PRKCE: variants seen among roughly 807,000 people sequenced by gnomAD.
The protein encoded by PRKCE is protein kinase C epsilon type.
Under a neutral mutation model 85.4 loss-of-function variants are expected in PRKCE, and 16 were observed. The observed-to-expected ratio is 0.19, with a 90% CI of 0.13 to 0.28. The LOEUF (loss-of-function observed/expected upper bound fraction) is 0.28. Among genes scored for constraint, PRKCE ranks in the 10% least tolerant of loss-of-function variants. PRKCE has a pLI of 1.00. For missense variants in PRKCE, 573 were observed against 975.2 expected, an observed-to-expected ratio of 0.59 and a Z score of 5.49; for synonymous variants, 388 against 371.5, an observed-to-expected ratio of 1.04 and a Z score of -0.51.
intron 2 of PRKCE, among the ~76,000 whole-genome samples, chr2:45,949,880 TTTG>T (rs1355779220): frequency 6.1e-5 from 7 of 114,162 alleles, no homozygotes; most frequent in South Asian, 2.8e-4. Context: ...GCCTTCATTC[TTTG>T]TTGTTTTTTT....
At chr2:45,657,637 C>T (rs76113154) in intron 1 of PRKCE, among the ~76,000 whole-genome samples, 1,739 of 152,268 alleles carry the variant, frequency 0.011, 28 homozygotes, top group African/African-American at 0.04. Context: ...TAGCTCTCTT[C>T]AGTCTGGCCA....
chr2:45,802,423 G>T (rs1016639853), intron 1 of PRKCE, among the ~76,000 whole-genome samples: 5 of 151,884 alleles, frequency 3.3e-5, no homozygotes, highest in African/African-American at 1.2e-4. Flanking sequence ...GATGCATAAA[G>T]GTCCATCTTA....
At chr2:45,687,468 G>A (rs1427498116) in intron 1 of PRKCE, among the ~76,000 whole-genome samples, 1 of 152,052 alleles carries the variant, frequency 6.6e-6, no homozygotes, top group Admixed American at 6.6e-5. Flanking sequence ...ATGCATAATG[G>A]GAACATAAAT....
chr2:46,013,856 C>T (rs1705894419), intron 10 of PRKCE, among the ~76,000 whole-genome samples: 1 of 152,140 alleles, frequency 6.6e-6, no homozygotes, highest in African/African-American at 2.4e-5. Context: ...TCAGACTGCA[C>T]ACTACATACA....
chr2:46,010,427 C>T lies in PRKCE; in HGVS notation c.1347C>T (p.Asp449=), dbSNP rs376235099. 62 of 1,599,528 alleles carry T rather than the reference C, an allele frequency of 3.9e-5. No homozygotes were observed. Among genetic ancestry groups the T allele is most frequent in the Non-Finnish European group, 4.8e-5 (57 of 1,179,936 alleles). Residue 449 remains aspartate (D), a synonymous_variant, in exon 10 of 15, where the codon GAC becomes GAT. Transcript: ENST00000306156. ...AGGACGTCATCCTTCAGGATGATGA[C>T]GTGGACTGCACAATGACAGAGAAGA... ...LKKDVILQDD[D]VDCTMTEKRI...
rs182478023 is a variant in PRKCE at position 45,966,072 on chromosome 2, C to G, written c.413-10357C>G. Reference sequence around the variant, plus strand: ...AAGTGGGACTAGGCTATTTTGCCATCCTTGGGAGGCGTGGATGGCTGGGCC... The same window carrying G: ...AAGTGGGACTAGGCTATTTTGCCATGCTTGGGAGGCGTGGATGGCTGGGCC... On this transcript the variant is annotated intron_variant, in intron 2 of 14. Coordinates refer to ENST00000306156, the MANE Select transcript of PRKCE (RefSeq NM_005400.3). Among the ~76,000 whole-genome samples, 408 of 152,146 alleles carry G rather than the reference C, an allele frequency of 2.7e-3. 2 individuals carry two copies. Among genetic ancestry groups the G allele is most frequent in the African/African-American group, 9.3e-3 (388 of 41,508 alleles).
At chr2:45,759,700 C>T (rs1684281952) in intron 1 of PRKCE, among the ~76,000 whole-genome samples, 1 of 152,172 alleles carries the variant, frequency 6.6e-6, no homozygotes, top group Non-Finnish European at 1.5e-5. Context: ...ACAGAAATAG[C>T]TAGTCAGTGT....
At chr2:45,773,492 T>G (rs1478158200) in intron 1 of PRKCE, among the ~76,000 whole-genome samples, 1 of 152,220 alleles carries the variant, frequency 6.6e-6, no homozygotes, top group African/African-American at 2.4e-5. Context: ...ATGGAACTCC[T>G]GGGCATCAAG....
intron 10 of PRKCE, among the ~76,000 whole-genome samples, chr2:46,047,603 T>C (rs1708605020): frequency 6.6e-6 from 1 of 152,238 alleles, no homozygotes; most frequent in African/African-American, 2.4e-5. Context: ...AGGTATTGAA[T>C]GTTTGAAAAG....
At chr2:46,146,347 C>T (rs1676069679) in intron 12 of PRKCE, among the ~76,000 whole-genome samples, 1 of 152,260 alleles carries the variant, frequency 6.6e-6, no homozygotes, top group African/African-American at 2.4e-5. Context: ...TTTCAGTGGG[C>T]ATTGTTTGAG....
In PRKCE at chr2:46,062,364, C is replaced by T. The variant is rs1558409699; in HGVS notation, c.1438-23844C>T. On this transcript the variant is annotated intron_variant, in intron 10 of 14. Transcript: ENST00000306156. ...GACAGGTCATCCCTGTGGGTGCTCC[C>T]TGGGCAGATATGTCCTACTCAAATT... 7.2e-5 allele frequency among the ~76,000 whole-genome samples: 11 copies of T among 152,262 alleles called. No individual in the cohort carries two copies. The South Asian group carries it at 2.3e-3, about 32-fold the overall frequency.
chr2:45,676,643 A>T (rs1274546162), intron 1 of PRKCE: 1 of 152,218 alleles, frequency 6.6e-6, no homozygotes, highest in African/African-American at 2.4e-5. Flanking sequence ...CCCCATTGTG[A>T]TGAAAGGTTG....
At chr2:46,042,611 T>G (rs953454155) in intron 10 of PRKCE, among the ~76,000 whole-genome samples, 2 of 152,200 alleles carry the variant, frequency 1.3e-5, no homozygotes, top group Non-Finnish European at 2.9e-5. Context: ...CCCCTCTTGG[T>G]CCTTCTACTT....
intron 1 of PRKCE, among the ~76,000 whole-genome samples, chr2:45,708,142 C>T (rs539230815): frequency 7.2e-5 from 11 of 152,024 alleles, no homozygotes; most frequent in South Asian, 4.2e-4. Flanking sequence ...AGGTTGGACT[C>T]GAGAGCCTGC....
At chr2:45,741,692 C>T (rs770267023) in intron 1 of PRKCE, among the ~76,000 whole-genome samples, 4 of 152,106 alleles carry the variant, frequency 2.6e-5, no homozygotes, top group Non-Finnish European at 4.4e-5. Flanking sequence ...TGACAGGCTG[C>T]GGGCTGTGGT....
At chr2:45,669,625 AG>A (rs1022402621) in intron 1 of PRKCE, among the ~76,000 whole-genome samples, 2 of 152,264 alleles carry the variant, frequency 1.3e-5, no homozygotes, top group African/African-American at 4.8e-5. Flanking sequence ...CAGGGAGGGC[AG>A]GAAGAAACTA....
rs186967862 is a variant in PRKCE, at chr2:45,761,040, A to G, written c.349-81960A>G. 1.4e-3 allele frequency among the ~76,000 whole-genome samples: 206 copies of G among 152,118 alleles called. 1 individual carries two copies. The highest frequency in any genetic ancestry group is 6.8e-3 in the Middle Eastern group (2 of 294). On this transcript the variant is annotated intron_variant, in intron 1 of 14. Coordinates refer to ENST00000306156, the MANE Select transcript of PRKCE (RefSeq NM_005400.3). The stretch of plus-strand genomic sequence containing the variant: ...ACAGGGTGATTTTACTTAAAAAAAA[A>G]TTTAAGGCCGGGCATGGTGGCTCAC...
At chr2:45,908,744 G>C (rs1249021532) in intron 2 of PRKCE, among the ~76,000 whole-genome samples, 21 of 152,192 alleles carry the variant, frequency 1.4e-4, no homozygotes, top group Admixed American at 1.4e-3. Context: ...AGGCCGATAA[G>C]GTCCCACTGG....
At chr2:45,714,556 A>G (rs775437402) in intron 1 of PRKCE, among the ~76,000 whole-genome samples, 1 of 152,246 alleles carries the variant, frequency 6.6e-6, no homozygotes, top group Non-Finnish European at 1.5e-5. Context: ...AACTTATGAC[A>G]GTGAGTGTCT....
Sources: gnomAD v4.1 joint callset for allele counts (sites outside exome capture counted in the v4.1 genomes callset) on GRCh38, gnomAD v4.1.1 for gene constraint, MANE v1.5 for transcripts, NCBI Gene and HGNC (gene_info 2026-07-23, HGNC 2026-07-21) for gene names.